Variants in PCTP observed in about 807,000 individuals in gnomAD.
PCTP encodes START domain-containing protein 2.
A neutral mutation model predicts 31.0 loss-of-function variants in PCTP; 27 were observed. That is an observed-to-expected ratio of 0.87 (90% CI 0.64 to 1.20). The LOEUF (loss-of-function observed/expected upper bound fraction) is 1.20, where lower values mean the gene tolerates loss of function less well. Ranked by LOEUF, PCTP falls within the 50% of genes most tolerant of loss-of-function variation. The pLI is 0.00. For synonymous variants in PCTP, 108 were observed against 101.2 expected, an observed-to-expected ratio of 1.07 and a Z score of -0.40; for missense variants, 287 against 268.2, an observed-to-expected ratio of 1.07 and a Z score of -0.49.
chr17:55,836,246 C>T (rs1905772552), intron 5 of PCTP, among the ~76,000 whole-genome samples: 1 of 152,148 alleles, frequency 6.6e-6, no homozygotes, highest in African/African-American at 2.4e-5. Flanking sequence ...TAAAAAATGA[C>T]ATAACCTAGT....
At chr17:55,832,576 G>A (rs1217815334) in intron 5 of PCTP, among the ~76,000 whole-genome samples, 4 of 152,178 alleles carry the variant, frequency 2.6e-5, no homozygotes, top group Non-Finnish European at 5.9e-5. Flanking sequence ...GGTTGAAAGA[G>A]CATCGATGGC....
chr17:55,776,155 AC>A lies in PCTP; in HGVS notation c.*58del, dbSNP rs1244458324. On this transcript the variant is annotated 3_prime_UTR_variant, in exon 6 of 6. Coordinates refer to ENST00000268896, the MANE Select transcript of PCTP (RefSeq NM_021213.4). The stretch of plus-strand genomic sequence containing the variant: ...GGTTGATGTCTCTGGAAGTGCAACC[AC>A]CCAATGTCTCTGGAAGTGCCACCTG... The A allele has an allele frequency of 6.2e-7, 1 of 1,604,004 alleles. No individual in the cohort carries two copies. Among genetic ancestry groups the A allele is most frequent in the East Asian group, 2.3e-5 (1 of 44,344 alleles).
downstream of PCTP, among the ~76,000 whole-genome samples, chr17:55,780,135 GT>G (rs1911510046): frequency 6.9e-6 from 1 of 144,544 alleles, no homozygotes; most frequent in African/African-American, 2.5e-5. Flanking sequence ...ATAACATATT[GT>G]TTGTTTAGGT....
chr17:55,819,009 T>G (rs199726037), intron 3 of PCTP, among the ~76,000 whole-genome samples: 5 of 2,038 alleles, frequency 2.5e-3, no homozygotes, highest in Admixed American at 5.0e-3. Context: ...TGGAAAGAAA[T>G]CAAAAAAAAA....
intron 2 of PCTP, among the ~76,000 whole-genome samples, chr17:55,784,444 GTAATAA>G (rs909756432): frequency 3.3e-5 from 5 of 152,098 alleles, no homozygotes; most frequent in Admixed American, 3.3e-4. Flanking sequence ...CAATTGCAGT[GTAATAA>G]TAATAACAAC....
intron 3 of PCTP, among the ~76,000 whole-genome samples, chr17:55,801,672 CAA>C (rs1030191258): frequency 2.6e-5 from 4 of 152,082 alleles, no homozygotes; most frequent in Admixed American, 2.6e-4. Context: ...CCAATGAGAA[CAA>C]AGACACAATG....
intron 1 of PCTP, among the ~76,000 whole-genome samples, chr17:55,759,981 A>C (rs2144921399): frequency 6.6e-6 from 1 of 152,364 alleles, no homozygotes; most frequent in South Asian, 2.1e-4. Flanking sequence ...ATATAATTGA[A>C]AACAAATTGC....
At chr17:55,830,096 A>G (rs1223232417) in intron 5 of PCTP, among the ~76,000 whole-genome samples, 1 of 152,178 alleles carries the variant, frequency 6.6e-6, no homozygotes, top group African/African-American at 2.4e-5. Flanking sequence ...ACCTTGTACA[A>G]TATGAACCCC....
At chr17:55,791,180 T>G (rs1911958347) in intron 3 of PCTP, among the ~76,000 whole-genome samples, 2 of 151,946 alleles carry the variant, frequency 1.3e-5, no homozygotes, top group Non-Finnish European at 2.9e-5. Flanking sequence ...ACGTAAACGT[T>G]AGACCTAAAA....
rs553798890 is a variant in PCTP, at chr17:55,810,606, T to A, written c.318-12155T>A. ...TCATCTACTCGTTGTCCCTAAAACA[T>A]AACAGAGCCTCTCACTGTTTACCCA... On this transcript the variant is annotated intron_variant, in intron 3 of 3. Transcript: ENST00000572536. Among the ~76,000 whole-genome samples the A allele has an allele frequency of 1.8e-4, 27 of 152,344 alleles. No homozygotes were observed. The South Asian group carries it at 3.9e-3, about 22-fold the overall frequency.
chr17:55,789,288 C>G (rs1228123748), intron 3 of PCTP, among the ~76,000 whole-genome samples: 3 of 152,108 alleles, frequency 2.0e-5, no homozygotes, highest in Admixed American at 2.0e-4. Flanking sequence ...CTCAGAAACT[C>G]AGATCCTTAA....
At chr17:55,808,209 G>A (rs1334390970) in intron 3 of PCTP, among the ~76,000 whole-genome samples, 4 of 152,132 alleles carry the variant, frequency 2.6e-5, no homozygotes, top group African/African-American at 4.8e-5. Context: ...CAAGTCTTCT[G>A]GGCCAAGTTA....
At chr17:55,787,013 A>T (rs75945221) in intron 2 of PCTP, among the ~76,000 whole-genome samples, 2 of 150,382 alleles carry the variant, frequency 1.3e-5, no homozygotes, top group South Asian at 4.2e-4. Context: ...GCTTGTGCAT[A>T]TGCATGTGTG....
chr17:55,802,755 A>G (rs1912430277), intron 3 of PCTP, among the ~76,000 whole-genome samples: 2 of 152,180 alleles, frequency 1.3e-5, no homozygotes, highest in Admixed American at 1.3e-4. Context: ...CCCACAGCCA[A>G]TATCATACTG....
At chr17:55,820,485 T>G (rs2070451756) in intron 3 of PCTP, among the ~76,000 whole-genome samples, 1 of 152,134 alleles carries the variant, frequency 6.6e-6, no homozygotes, top group African/African-American at 2.4e-5. Context: ...GCCAAGGGGA[T>G]GAATAGCTCC....
At chr17:55,791,898 A>G (rs535964197) in intron 3 of PCTP, among the ~76,000 whole-genome samples, 1 of 152,226 alleles carries the variant, frequency 6.6e-6, no homozygotes, top group East Asian at 1.9e-4. Context: ...AAAGACTTGG[A>G]ACCAACCCAA....
At chr17:55,843,774 C>T (rs1347037727), downstream of PCTP, among the ~76,000 whole-genome samples, 2 of 152,070 alleles carry the variant, frequency 1.3e-5, no homozygotes, top group Admixed American at 6.5e-5. Context: ...ACCCCAGCTT[C>T]CAGAATAGAG....
intron 3 of PCTP, among the ~76,000 whole-genome samples, chr17:55,816,874 CT>C (rs1912937123): frequency 6.6e-6 from 1 of 152,170 alleles, no homozygotes; most frequent in African/African-American, 2.4e-5. Context: ...TAAATGTTGT[CT>C]TTATTTCCAA....
At chr17:55,840,608 A>G (rs1024805529) in intron 5 of PCTP, among the ~76,000 whole-genome samples, 2 of 152,222 alleles carry the variant, frequency 1.3e-5, no homozygotes, top group South Asian at 4.1e-4. Context: ...CAAGAGTGAG[A>G]GTGCAAGCAC....
Sources: allele counts gnomAD v4.1 joint callset (sites outside exome capture counted in the v4.1 genomes callset), GRCh38; gene constraint gnomAD v4.1.1; transcripts MANE v1.5; gene names NCBI Gene and HGNC (gene_info 2026-07-23, HGNC 2026-07-21).